The following DIAPH3 variants were observed in gnomAD, a reference collection of about 807,000 sequenced individuals.
The protein encoded by DIAPH3 is diaphanous related formin 3.
DIAPH3 carries 117 observed loss-of-function variants against 144.3 expected under a neutral mutation model. The ratio of observed to expected loss-of-function variants is 0.81; its 90% CI spans 0.70 to 0.95. The LOEUF (loss-of-function observed/expected upper bound fraction) is 0.95. Ranked by LOEUF, DIAPH3 falls within the 40% of genes least tolerant of loss-of-function variation. The probability of loss-of-function intolerance (pLI) is 0.00; values close to 1 mark genes in which losing one functional copy is unlikely to be tolerated. For synonymous variants in DIAPH3, 519 were observed against 488.9 expected, an observed-to-expected ratio of 1.06 and a Z score of -0.81; for missense variants, 1,421 against 1,412.7, an observed-to-expected ratio of 1.01 and a Z score of -0.09.
chr13:59,940,922 T>C (rs1261854249), intron 17 of DIAPH3, among the ~76,000 whole-genome samples: 1 of 152,212 alleles, frequency 6.6e-6, no homozygotes, highest in African/African-American at 2.4e-5. Flanking sequence ...CATTCTACCC[T>C]GCAGAGAAAG....
At chr13:59,782,814 A>C (rs750762889) in intron 25 of DIAPH3, among the ~76,000 whole-genome samples, 3 of 152,194 alleles carry the variant, frequency 2.0e-5, no homozygotes, top group Non-Finnish European at 4.4e-5. Flanking sequence ...GAACCGATTT[A>C]AGAGTGCCAG....
At chr13:59,750,527 A>G (rs943755209) in intron 27 of DIAPH3, among the ~76,000 whole-genome samples, 10 of 152,180 alleles carry the variant, frequency 6.6e-5, no homozygotes, top group African/African-American at 2.4e-4. Context: ...TTATTTTTCA[A>G]AAGGGTCTGC....
intron 17 of DIAPH3, among the ~76,000 whole-genome samples, chr13:59,945,670 T>G (rs975856997): frequency 3.4e-5 from 5 of 147,648 alleles, no homozygotes; most frequent in Admixed American, 3.4e-4. Flanking sequence ...CTTAATACAA[T>G]AGGAATCACA....
chr13:60,030,169 C>A (rs1423601169), intron 5 of DIAPH3, among the ~76,000 whole-genome samples: 1 of 152,082 alleles, frequency 6.6e-6, no homozygotes. Flanking sequence ...ACTGATTATA[C>A]CTTTTTGTTT....
intron 4 of DIAPH3, among the ~76,000 whole-genome samples, chr13:60,063,822 G>C (rs1204787888): frequency 6.6e-6 from 1 of 151,896 alleles, no homozygotes; most frequent in Non-Finnish European, 1.5e-5. Context: ...CCAGCTACTC[G>C]AGAGGCTGAG....
intron 20 of DIAPH3, among the ~76,000 whole-genome samples, chr13:59,881,530 A>G (rs953625465): frequency 7.2e-5 from 11 of 152,226 alleles, no homozygotes; most frequent in Admixed American, 6.5e-5. Context: ...AAGAAAAAAG[A>G]GACTGCTTAA....
At chr13:60,087,935 G>C (rs969840748) in intron 4 of DIAPH3, among the ~76,000 whole-genome samples, 3 of 152,216 alleles carry the variant, frequency 2.0e-5, no homozygotes, top group African/African-American at 7.2e-5. Flanking sequence ...ACGTGGATAA[G>C]GGAGGTGAGG....
At chr13:59,931,382 G>C (rs560338652) in intron 17 of DIAPH3, among the ~76,000 whole-genome samples, 8 of 152,248 alleles carry the variant, frequency 5.3e-5, no homozygotes, top group Non-Finnish European at 1.2e-4. Context: ...AATGAATCCT[G>C]TTAAAAACTT....
At chr13:59,774,856 C>T in intron 25 of DIAPH3, 33 bp from the exon 26 acceptor site, 3 of 1,568,946 alleles carry the variant, frequency 1.9e-6, no homozygotes, top group Non-Finnish European at 2.6e-6. Flanking sequence ...TTCCATCAGC[C>T]CTCAGGGTTA....
At chr13:59,748,848 T>C (rs1451893229) in intron 27 of DIAPH3, among the ~76,000 whole-genome samples, 1 of 152,170 alleles carries the variant, frequency 6.6e-6, no homozygotes, top group East Asian at 1.9e-4. Flanking sequence ...TCTCAATCTC[T>C]GTTGACTGAG....
intron 5 of DIAPH3, among the ~76,000 whole-genome samples, chr13:60,026,984 A>C (rs2054420858): frequency 6.6e-6 from 1 of 152,228 alleles, no homozygotes; most frequent in South Asian, 2.1e-4. Flanking sequence ...ACATGTGACA[A>C]ACTAACAAAT....
At chr13:60,000,318 T>C (rs1045271208) in intron 9 of DIAPH3, among the ~76,000 whole-genome samples, 2 of 152,028 alleles carry the variant, frequency 1.3e-5, no homozygotes, top group Non-Finnish European at 2.9e-5. Flanking sequence ...CCTGAAGATA[T>C]AAGGGTTGCA....
chr13:59,903,708 G>C (rs2046577033), intron 20 of DIAPH3, among the ~76,000 whole-genome samples: 3 of 151,440 alleles, frequency 2.0e-5, no homozygotes, highest in Middle Eastern at 3.5e-3. Flanking sequence ...ATCATCTACA[G>C]ATTCATTTTT....
chr13:60,161,480 G>A (rs1451386963), intron 1 of DIAPH3, among the ~76,000 whole-genome samples: 1 of 152,192 alleles, frequency 6.6e-6, no homozygotes, highest in African/African-American at 2.4e-5. Context: ...TTTAGTACAG[G>A]AACAGAGTAG....
intron 27 of DIAPH3, among the ~76,000 whole-genome samples, chr13:59,748,029 C>T (rs1276229606): frequency 6.6e-6 from 1 of 152,110 alleles, no homozygotes; most frequent in African/African-American, 2.4e-5. Context: ...ACAAATCATG[C>T]AATAAGATAA....
At chr13:59,939,977 A>G (rs1234555559) in intron 17 of DIAPH3, among the ~76,000 whole-genome samples, 3 of 152,016 alleles carry the variant, frequency 2.0e-5, no homozygotes, top group African/African-American at 7.2e-5. Context: ...ACTCCAAAGA[A>G]TATAAAATAA....
intron 1 of DIAPH3, 111 bp downstream of exon 1, chr13:60,163,476 T>G: frequency 7.0e-7 from 1 of 1,429,734 alleles, no homozygotes; most frequent in African/African-American, 1.4e-5. Context: ...CTTTGGCACC[T>G]CTGGATCTCT....
intron 20 of DIAPH3, among the ~76,000 whole-genome samples, chr13:59,906,626 C>T (rs1275819129): frequency 6.6e-6 from 1 of 152,106 alleles, no homozygotes; most frequent in Non-Finnish European, 1.5e-5. Flanking sequence ...ACAGTGACAC[C>T]AAATGGTGGT....
At chr13:59,914,144 C>T (rs2047121509) in intron 19 of DIAPH3, among the ~76,000 whole-genome samples, 1 of 151,984 alleles carries the variant, frequency 6.6e-6, no homozygotes, top group Non-Finnish European at 1.5e-5. Flanking sequence ...ATACTGCTGA[C>T]CTGTACATAT....
Sources: gnomAD v4.1 joint callset for allele counts (sites outside exome capture counted in the v4.1 genomes callset) on GRCh38, gnomAD v4.1.1 for gene constraint, MANE v1.5 for transcripts, NCBI Gene and HGNC (gene_info 2026-07-23, HGNC 2026-07-21) for gene names.